ZNF487: variants seen among roughly 807,000 people sequenced by gnomAD.
ZNF487 encodes zinc finger protein 487, also known as KRAB domain only 1.
In ZNF487, 4 loss-of-function variants were observed where a neutral mutation model predicts 3.0. That is an observed-to-expected ratio of 1.35 (90% CI 0.66 to 3.08). The LOEUF (loss-of-function observed/expected upper bound fraction) is 3.08, where lower values mean the gene tolerates loss of function less well. Among genes scored for constraint, ZNF487 ranks in the 30% most tolerant of loss-of-function variants. The pLI is 0.01. For missense variants in ZNF487, 146 were observed against 98.7 expected, an observed-to-expected ratio of 1.48 and a Z score of -2.03; for synonymous variants, 55 against 34.6, an observed-to-expected ratio of 1.59 and a Z score of -2.06.
intron 1 of ZNF487, among the ~76,000 whole-genome samples, chr10:43,470,725 C>T (rs1378698899): frequency 6.6e-5 from 10 of 152,138 alleles, no homozygotes; most frequent in Admixed American, 6.6e-4. Context: ...TGCCATGTTG[C>T]CCAGGCTGGT....
chr10:43,486,047 A>C (rs1841467817), downstream of ZNF487, among the ~76,000 whole-genome samples: 1 of 152,230 alleles, frequency 6.6e-6, no homozygotes, highest in South Asian at 2.1e-4. Context: ...TAATGGTATA[A>C]ATTGAAATGG....
chr10:43,512,344 C>T, the ZNF487 span, among the ~76,000 whole-genome samples: 27 of 152,250 alleles, frequency 1.8e-4, no homozygotes, highest in Middle Eastern at 6.8e-3. Context: ...AGGACCTGCT[C>T]GAGCCTGATC....
rs528875355 is a variant in ZNF487 at position 43,464,544 on chromosome 10, G to T, written c.-93-11177G>T. ...GCCTTCCGCAGTGTTTGTGTCCCTG[G>T]GTACTTGAGATTAGGGAGTGGTGAT... is the stretch of plus-strand genomic sequence containing the variant. On this transcript the variant is annotated intron_variant, in intron 1 of 3. Transcript: ENST00000437590. 1.4e-4 allele frequency among the ~76,000 whole-genome samples: 21 copies of T among 152,134 alleles called. No individual in the cohort carries two copies. The South Asian group carries it at 3.9e-3, about 29-fold the overall frequency.
At chr10:43,507,079 C>A in the ZNF487 span, among the ~76,000 whole-genome samples, 1 of 152,176 alleles carries the variant, frequency 6.6e-6, no homozygotes. Flanking sequence ...TGTTATTTGA[C>A]TGTACAGTGG....
the ZNF487 span, among the ~76,000 whole-genome samples, chr10:43,504,254 C>T: frequency 1.3e-5 from 2 of 149,768 alleles, no homozygotes; most frequent in Admixed American, 6.7e-5. Flanking sequence ...TCCTCCTTTA[C>T]TGGCTTATGT....
chr10:43,479,908 G>A lies in ZNF487; in HGVS notation c.131-1521G>A, dbSNP rs997118021. ...TGACCTCAGGTGATCCTCCTGCCTCGGCCTCCCAAAGTGCTGGGATTACAG... is the reference window on the plus strand; with the variant it reads ...TGACCTCAGGTGATCCTCCTGCCTCAGCCTCCCAAAGTGCTGGGATTACAG... On this transcript the variant is annotated intron_variant, in intron 3 of 3. Coordinates refer to ENST00000437590, the MANE Select transcript of ZNF487 (RefSeq NM_001355444.3). 1.8e-4 allele frequency among the ~76,000 whole-genome samples: 27 copies of A among 151,630 alleles called. 1 individual carries two copies. The highest frequency in any genetic ancestry group is 6.8e-3 in the Middle Eastern group (2 of 292).
chr10:43,477,235 C>T (rs1042915817), intron 3 of ZNF487, among the ~76,000 whole-genome samples: 11 of 148,190 alleles, frequency 7.4e-5, no homozygotes, highest in Non-Finnish European at 1.6e-4. Flanking sequence ...CTCTCTCAGT[C>T]TCACAGGCTA....
At chr10:43,479,971 T>TTTCTTTCTTTC (rs1184173278) in intron 3 of ZNF487, among the ~76,000 whole-genome samples, 7 of 125,224 alleles carry the variant, frequency 5.6e-5, no homozygotes, top group Middle Eastern at 4.0e-3. Flanking sequence ...TCTTTCTTTC[T>TTTCTTTCTTTC]TTTCTTTCTT....
rs1306342143 is a variant in ZNF487, at chr10:43,480,650, A to G, written c.131-779A>G. Among the ~76,000 whole-genome samples, 6 of 151,078 alleles carry G rather than the reference A, an allele frequency of 4.0e-5. 1 individual carries two copies. The South Asian group carries it at 1.3e-3, about 32-fold the overall frequency. ...AGGCTGGTCTGGAACGCTTGACTTC[A>G]GGTGATCCACCTTCCTTGGCCTTCC... On this transcript the variant is annotated intron_variant, in intron 3 of 3. Coordinates refer to ENST00000437590, the MANE Select transcript of ZNF487 (RefSeq NM_001355444.3).
chr10:43,477,415 A>T (rs1841140907), intron 3 of ZNF487, among the ~76,000 whole-genome samples: 1 of 151,846 alleles, frequency 6.6e-6, no homozygotes, highest in South Asian at 2.1e-4. Context: ...AGCTGGTCTC[A>T]AACTCCTGGC....
the ZNF487 span, among the ~76,000 whole-genome samples, chr10:43,493,987 C>T: frequency 6.0e-5 from 9 of 149,428 alleles, no homozygotes; most frequent in Admixed American, 1.3e-4. Flanking sequence ...GCCAATATTG[C>T]GCCACTGCAC....
chr10:43,490,302 A>T, the ZNF487 span, among the ~76,000 whole-genome samples: 1 of 152,094 alleles, frequency 6.6e-6, no homozygotes, highest in Non-Finnish European at 1.5e-5. Flanking sequence ...CAGTGAGCTG[A>T]GATCGTGCCA....
chr10:43,502,390 G>C, the ZNF487 span, among the ~76,000 whole-genome samples: 1 of 152,242 alleles, frequency 6.6e-6, no homozygotes, highest in South Asian at 2.1e-4. Flanking sequence ...CGTGGGGTGG[G>C]GGGGGATAGC....
chr10:43,480,039 CTTTCT>C (rs879830842), intron 3 of ZNF487, among the ~76,000 whole-genome samples: 24,609 of 76,824 alleles, frequency 0.32, 3,209 homozygotes, highest in Non-Finnish European at 0.42. Context: ...TTCTTTCTTT[CTTTCT>C]TTTTCTTTCT....
the ZNF487 span, among the ~76,000 whole-genome samples, chr10:43,504,753 C>A: frequency 1.3e-5 from 2 of 150,404 alleles, no homozygotes; most frequent in East Asian, 3.9e-4. Context: ...GTTGCCCAGG[C>A]TGGAGTGCAG....
the ZNF487 span, among the ~76,000 whole-genome samples, chr10:43,502,389 G>T: frequency 6.6e-6 from 1 of 151,974 alleles, no homozygotes; most frequent in African/African-American, 2.4e-5. Flanking sequence ...TCGTGGGGTG[G>T]GGGGGGATAG....
chr10:43,441,003 A>T (rs1226482350), intron 1 of ZNF487, among the ~76,000 whole-genome samples: 3 of 136,934 alleles, frequency 2.2e-5, no homozygotes, highest in Non-Finnish European at 4.6e-5. Flanking sequence ...AGTAGCTAGG[A>T]CCACAGGTAA....
At chr10:43,463,700 T>TTTTC (rs563206646) in intron 1 of ZNF487, among the ~76,000 whole-genome samples, 12,298 of 123,798 alleles carry the variant, frequency 0.099, 777 homozygotes, top group Non-Finnish European at 0.13. Flanking sequence ...TCACAACTGT[T>TTTTC]TTTCTTTCTT....
downstream of ZNF487, among the ~76,000 whole-genome samples, chr10:43,483,397 T>A (rs1296035191): frequency 6.6e-6 from 1 of 152,026 alleles, no homozygotes; most frequent in Non-Finnish European, 1.5e-5. Flanking sequence ...TGCGCCACCA[T>A]GCCCGGCTAA....
Sources: allele counts gnomAD v4.1 joint callset (sites outside exome capture counted in the v4.1 genomes callset), GRCh38; gene constraint gnomAD v4.1.1; transcripts MANE v1.5; gene names NCBI Gene and HGNC (gene_info 2026-07-23, HGNC 2026-07-21).